Variants in ELL2 observed in about 807,000 individuals in gnomAD.
ELL2 encodes the protein elongation factor for RNA polymerase II 2, also known as RNA polymerase II elongation factor ELL2.
A neutral mutation model predicts 72.8 loss-of-function variants in ELL2; 21 were observed. The ratio of observed to expected loss-of-function variants is 0.29; its 90% CI spans 0.20 to 0.42. The LOEUF is 0.42. Ranked by LOEUF, ELL2 falls within the 10% of genes least tolerant of loss-of-function variation. ELL2 has a pLI of 1.00. For missense variants in ELL2, 568 were observed against 772.8 expected (o/e 0.73, Z 3.14); for synonymous variants, 266 against 283.2 (o/e 0.94, Z 0.61).
Position 95,917,823 on chromosome 5 carries a change from T to C in ELL2, c.317+1601A>G, listed in dbSNP as rs78167372. On this transcript the variant is annotated intron_variant, in intron 3 of 11. Transcript: ENST00000237853. ...AATGTAAGAGTAAAGCCATATTACT[T>C]ACAATGATATGAATGCTTTTGAAGA... Among the ~76,000 whole-genome samples the C allele has an allele frequency of 9.4e-4, 143 of 152,306 alleles. 1 individual carries two copies. The East Asian group carries it at 0.027, about 28-fold the overall frequency.
At position 95,946,314 on chromosome 5, in the gene ELL2, T is replaced by C. The variant is rs1008968582; in HGVS notation, c.148-3265A>G. Among the ~76,000 whole-genome samples the C allele has an allele frequency of 5.3e-5, 8 of 152,166 alleles. No individual in the cohort carries two copies. In the South Asian group the frequency reaches 1.0e-3, roughly 20 times the overall value. Reference sequence around the variant, plus strand: ...ATATTCCCCAGGAAAAATGATAAGATGTGCTGAAAGCTTGAATATCAGACA... The same window carrying C: ...ATATTCCCCAGGAAAAATGATAAGACGTGCTGAAAGCTTGAATATCAGACA... On this transcript the variant is annotated intron_variant, in intron 1 of 11. Coordinates refer to ENST00000237853, the MANE Select transcript of ELL2 (RefSeq NM_012081.6).
At chr5:95,943,675 C>T (rs1010245362) in intron 1 of ELL2, among the ~76,000 whole-genome samples, 1 of 152,174 alleles carries the variant, frequency 6.6e-6, no homozygotes, top group East Asian at 1.9e-4. Flanking sequence ...TATTTTCTCA[C>T]ATTTTATCAG....
intron 1 of ELL2, among the ~76,000 whole-genome samples, chr5:95,951,342 C>A (rs1381393294): frequency 6.6e-6 from 1 of 151,830 alleles, no homozygotes; most frequent in African/African-American, 2.4e-5. Flanking sequence ...GCACTCCAGC[C>A]TGGGGGACAG....
Position 95,898,280 on chromosome 5 carries a change from T to C in ELL2, c.1485A>G (p.Glu495=), listed in dbSNP as rs1382489210. ...EKEEDLKREE[E]IAKLNNSSPN... ...GACTGGAGTTATTTAGCTTGGCAAT[T>C]TCCTCTTCTCTCTTAAGATCTTCCT... Residue 495 remains glutamate (E), a synonymous_variant, in exon 8 of 12, where the codon GAA becomes GAG. Transcript: ENST00000237853. The C allele has an allele frequency of 6.2e-7, 1 of 1,608,740 alleles. No homozygotes were observed. Among genetic ancestry groups the C allele is most frequent in the Non-Finnish European group, 8.5e-7 (1 of 1,178,710 alleles).
chr5:95,954,236 G>A (rs1751530998), intron 1 of ELL2, among the ~76,000 whole-genome samples: 1 of 152,052 alleles, frequency 6.6e-6, no homozygotes, highest in Non-Finnish European at 1.5e-5. Flanking sequence ...AAAAGACTGA[G>A]TGAATGTTCA....
At chr5:95,945,205 C>A (rs911293885) in intron 1 of ELL2, among the ~76,000 whole-genome samples, 1 of 152,190 alleles carries the variant, frequency 6.6e-6, no homozygotes, top group African/African-American at 2.4e-5. Context: ...ATTCCCCCAT[C>A]CCCAGCCTTC....
At chr5:95,895,583 T>C in intron 9 of ELL2, 45 bp downstream of exon 9, 1 of 1,559,354 alleles carries the variant, frequency 6.4e-7, no homozygotes, top group Non-Finnish European at 8.8e-7. Flanking sequence ...TTGCAAACTT[T>C]CTAAAATTAA....
chr5:95,913,810 G>A lies in ELL2; in HGVS notation c.442C>T (p.Arg148Ter). 1.2e-6 allele frequency: 2 copies of A among 1,612,060 alleles called. No homozygotes were observed. Among genetic ancestry groups the A allele is most frequent in the Non-Finnish European group, 1.7e-6 (2 of 1,179,186 alleles). ...MTQAEEESRNRSTKVIKPGGP... is the reference protein window; with the variant it reads ...MTQAEEESRN ...CCGGGTTTGATAACTTTTGTGCTTC[G>A]GTTGCGGGATTCCTCCTCTGCCTGG... The change falls in exon 4 of 12, where the codon CGA (arginine) becomes TGA (stop). Residue 148 changes from arginine (R) to a stop codon, truncating the protein, a stop_gained. Transcript: ENST00000237853. LOFTEE classifies it high-confidence loss of function.
In ELL2 at chr5:95,895,548, G is replaced by A; in HGVS notation, c.1589+80C>T. The A allele has an allele frequency of 5.1e-6, 7 of 1,370,744 alleles. No individual in the cohort carries two copies. The South Asian group carries it at 8.4e-5, about 17-fold the overall frequency. 84.9% of individuals were successfully genotyped at this position (1,370,744 alleles called of 1,614,324 possible). On this transcript the variant is annotated intron_variant, in intron 9 of 11. Coordinates refer to ENST00000237853, the MANE Select transcript of ELL2 (RefSeq NM_012081.6). ...TATTTCTGGAACTTCTTACTTTTCT[G>A]ATTTGCAAATTATGGGAAAAGAATT...
intron 1 of ELL2, among the ~76,000 whole-genome samples, chr5:95,947,067 C>G (rs1184523442): frequency 3.3e-5 from 5 of 152,142 alleles, no homozygotes; most frequent in African/African-American, 1.2e-4. Flanking sequence ...ATCTCATTAG[C>G]TGTTTGTTCA....
intron 2 of ELL2, among the ~76,000 whole-genome samples, chr5:95,923,122 C>G (rs989858078): frequency 3.3e-5 from 5 of 151,940 alleles, no homozygotes; most frequent in Non-Finnish European, 7.4e-5. Flanking sequence ...TGGTGACTTA[C>G]ACTTGTTATC....
intron 2 of ELL2, among the ~76,000 whole-genome samples, chr5:95,935,808 C>A (rs1750753480): frequency 6.6e-6 from 1 of 152,174 alleles, no homozygotes; most frequent in Non-Finnish European, 1.5e-5. Context: ...AAATACAGAG[C>A]CATCCTTATC....
chr5:95,905,911 T>C (rs1402526038), intron 5 of ELL2, among the ~76,000 whole-genome samples: 1 of 152,178 alleles, frequency 6.6e-6, no homozygotes, highest in Non-Finnish European at 1.5e-5. Flanking sequence ...TGTAGGAGGT[T>C]ATAGTCTAAC....
intron 2 of ELL2, among the ~76,000 whole-genome samples, chr5:95,922,342 G>A (rs1170862244): frequency 2.6e-5 from 4 of 152,234 alleles, no homozygotes; most frequent in Admixed American, 6.5e-5. Context: ...GATTACAGGC[G>A]TGAGCCACTG....
At position 95,895,608 on chromosome 5, in the gene ELL2, T is replaced by G. The variant is rs1748842018; in HGVS notation, c.1589+20A>C. 1 of 1,609,576 alleles carries G rather than the reference T, an allele frequency of 6.2e-7. No homozygotes were observed. Among genetic ancestry groups the G allele is most frequent in the Admixed American group, 1.7e-5 (1 of 59,936 alleles). On this transcript the variant is annotated intron_variant, in intron 9 of 11. Coordinates refer to ENST00000237853, the MANE Select transcript of ELL2 (RefSeq NM_012081.6). ...TCTAAAATTAAGCCGCTCTCTCCAT[T>G]GGCAGACATATGAACTTACATCAAA...
At chr5:95,950,722 C>A (rs1254522748) in intron 1 of ELL2, among the ~76,000 whole-genome samples, 1 of 151,184 alleles carries the variant, frequency 6.6e-6, no homozygotes, top group Non-Finnish European at 1.5e-5. Flanking sequence ...GATTAAAGAA[C>A]ATATGAAGTA....
Position 95,954,472 on chromosome 5 carries a change from T to C in ELL2, c.147+7103A>G, listed in dbSNP as rs535767759. Among the ~76,000 whole-genome samples the C allele has an allele frequency of 2.5e-4, 38 of 150,000 alleles. No individual in the cohort carries two copies. In the South Asian group the frequency reaches 3.0e-3, roughly 12 times the overall value. On this transcript the variant is annotated intron_variant, in intron 1 of 11. Coordinates refer to ENST00000237853, the MANE Select transcript of ELL2 (RefSeq NM_012081.6). ...CCCAGGCTGGAGTGCAGTGGTGCGA[T>C]GTTGGCTCACTGCAAGCTCTGCCTC...
rs542236886 is a variant in ELL2 at position 95,929,792 on chromosome 5, A to C, written c.196-10247T>G. ...GATGAAAGGAAGGGTAAAAAAAAAAAAACAACAAAAAACAAAAAAACCCCC... is the reference window on the plus strand; with the variant it reads ...GATGAAAGGAAGGGTAAAAAAAAAACAACAACAAAAAACAAAAAAACCCCC... On this transcript the variant is annotated intron_variant, in intron 2 of 11. Coordinates refer to ENST00000237853, the MANE Select transcript of ELL2 (RefSeq NM_012081.6). Among the ~76,000 whole-genome samples, 475 of 151,370 alleles carry C rather than the reference A, an allele frequency of 3.1e-3. 1 individual carries two copies. The highest frequency in any genetic ancestry group is 8.2e-3 in the African/African-American group (338 of 41,390).
At chr5:95,938,658 G>A (rs1750862910) in intron 2 of ELL2, among the ~76,000 whole-genome samples, 1 of 152,090 alleles carries the variant, frequency 6.6e-6, no homozygotes, top group Admixed American at 6.6e-5. Context: ...GGAGTTCAAG[G>A]CTGCAGTAAG....
Sources: gnomAD v4.1 joint callset for allele counts (sites outside exome capture counted in the v4.1 genomes callset) on GRCh38, gnomAD v4.1.1 for gene constraint, MANE v1.5 for transcripts, NCBI Gene and HGNC (gene_info 2026-07-23, HGNC 2026-07-21) for gene names.